The following ASTN2 variants were observed in gnomAD, a reference collection of about 807,000 sequenced individuals.
The protein encoded by ASTN2 is astrotactin-2.
ASTN2 carries 54 observed loss-of-function variants against 139.8 expected under a neutral mutation model. That is an observed-to-expected ratio of 0.39 (90% CI 0.31 to 0.48). The LOEUF (loss-of-function observed/expected upper bound fraction) is 0.48, where lower values mean the gene tolerates loss of function less well. Ranked by LOEUF, ASTN2 falls within the 20% of genes least tolerant of loss-of-function variation. The pLI, the probability that ASTN2 is intolerant of heterozygous loss-of-function variation, is 0.95. For missense variants in ASTN2, 1,565 were observed against 1,725.1 expected (o/e 0.91, Z 1.64); for synonymous variants, 756 against 719.5 (o/e 1.05, Z -0.81).
At chr9:116,689,998 T>C (rs1466455807) in intron 16 of ASTN2, among the ~76,000 whole-genome samples, 2 of 152,210 alleles carry the variant, frequency 1.3e-5, no homozygotes, top group Non-Finnish European at 2.9e-5. Flanking sequence ...GGCTCTATCA[T>C]TTCCAGGACT....
chr9:116,938,376 C>A (rs1835133148), intron 10 of ASTN2, among the ~76,000 whole-genome samples: 1 of 152,064 alleles, frequency 6.6e-6, no homozygotes. Context: ...ATGGTGGAGA[C>A]TTTTCCTTGT....
chr9:116,914,579 A>ATT (rs202193054), intron 10 of ASTN2, among the ~76,000 whole-genome samples: 12 of 140,304 alleles, frequency 8.6e-5, no homozygotes, highest in African/African-American at 3.3e-4. Flanking sequence ...TTATTTATAT[A>ATT]TATTTTTTTT....
chr9:116,898,887 G>A (rs942632290), intron 10 of ASTN2, among the ~76,000 whole-genome samples: 1 of 152,028 alleles, frequency 6.6e-6, no homozygotes, highest in Non-Finnish European at 1.5e-5. Context: ...GCCCTAGCTG[G>A]TCTCAAACTC....
chr9:116,924,977 G>A (rs915123528), intron 10 of ASTN2, among the ~76,000 whole-genome samples: 1 of 152,024 alleles, frequency 6.6e-6, no homozygotes, highest in African/African-American at 2.4e-5. Flanking sequence ...ACTAGTATAC[G>A]ACTTCCAAAC....
At position 116,740,670 on chromosome 9, in the gene ASTN2, G is replaced by A. The variant is rs560044454; in HGVS notation, c.2397-7147C>T. On this transcript the variant is annotated intron_variant, in intron 13 of 22. Transcript: ENST00000313400. ...TGGGACTACAGGCGCCCACCACCAC[G>A]CTCTGCTAATTTTTTAATTTTTTTT... is the stretch of plus-strand genomic sequence containing the variant. Among the ~76,000 whole-genome samples the A allele has an allele frequency of 4.0e-5, 6 of 151,720 alleles. No homozygotes were observed. In the East Asian group the frequency reaches 7.8e-4, roughly 20 times the overall value.
At chr9:117,340,359 A>G (rs1426674655) in intron 1 of ASTN2, among the ~76,000 whole-genome samples, 1 of 149,670 alleles carries the variant, frequency 6.7e-6, no homozygotes, top group African/African-American at 2.5e-5. Context: ...AAAAAAAAAA[A>G]AAGTGTCATG....
rs916802745 is a variant in ASTN2 at position 116,767,294 on chromosome 9, C to CT, written c.2397-33772dup. 6.4e-4 allele frequency among the ~76,000 whole-genome samples: 97 copies of CT among 152,138 alleles called. 3 individuals are homozygous for CT. Among genetic ancestry groups the CT allele is most frequent in the Admixed American group, 1.3e-4 (2 of 15,260 alleles). ...GTACCCTCCACACAGGCTCCAGCTGCTTTTTGCTGGCTCCCAGAGCTTATC... is the reference window on the plus strand; with the variant it reads ...GTACCCTCCACACAGGCTCCAGCTGCTTTTTTGCTGGCTCCCAGAGCTTATC... On this transcript the variant is annotated intron_variant, in intron 13 of 22. Coordinates refer to ENST00000313400, the MANE Select transcript of ASTN2 (RefSeq NM_001365068.1).
chr9:117,150,859 G>A (rs1830312545), intron 3 of ASTN2, among the ~76,000 whole-genome samples: 1 of 151,960 alleles, frequency 6.6e-6, no homozygotes, highest in Non-Finnish European at 1.5e-5. Context: ...ACCACGCCTG[G>A]ATAATTTTGT....
chr9:117,330,135 A>T (rs922801525), intron 1 of ASTN2, among the ~76,000 whole-genome samples: 1 of 152,252 alleles, frequency 6.6e-6, no homozygotes. Flanking sequence ...AGGGAAGCTG[A>T]TGGGGCTGGA....
chr9:116,502,137 C>T (rs1224023947), intron 19 of ASTN2, among the ~76,000 whole-genome samples: 1 of 138,524 alleles, frequency 7.2e-6, no homozygotes, highest in Non-Finnish European at 1.6e-5. Context: ...AGGTAGATTT[C>T]CAAATGTGTG....
intron 22 of ASTN2, among the ~76,000 whole-genome samples, chr9:116,435,598 A>T (rs1268337445): frequency 6.6e-6 from 1 of 152,112 alleles, no homozygotes; most frequent in Admixed American, 6.5e-5. Context: ...ATCTTACCCA[A>T]CTTCTCTCAT....
chr9:116,530,094 G>GACATATATATATATAT, intron 19 of ASTN2, among the ~76,000 whole-genome samples: 1 of 51,084 alleles, frequency 2.0e-5, no homozygotes, highest in South Asian at 1.2e-3. Flanking sequence ...GATAAAGTGT[G>GACATATATATATATAT]ATATATATAT....
chr9:117,200,969 T>C (rs1831692235), intron 3 of ASTN2, among the ~76,000 whole-genome samples: 1 of 150,118 alleles, frequency 6.7e-6, no homozygotes. Context: ...CTGATAGAAT[T>C]CAGCTATGAA....
intron 10 of ASTN2, among the ~76,000 whole-genome samples, chr9:116,964,399 G>A (rs1469522276): frequency 6.6e-6 from 1 of 152,158 alleles, no homozygotes; most frequent in East Asian, 1.9e-4. Context: ...GCTTATCTTG[G>A]TGATCACTGT....
intron 3 of ASTN2, among the ~76,000 whole-genome samples, chr9:117,166,508 G>T (rs987140856): frequency 1.3e-5 from 2 of 152,102 alleles, no homozygotes; most frequent in African/African-American, 4.8e-5. Flanking sequence ...GTCTATAACA[G>T]CCTCTTCATC....
chr9:116,544,020 C>T (rs903101348), intron 19 of ASTN2, among the ~76,000 whole-genome samples: 15 of 152,288 alleles, frequency 9.8e-5, no homozygotes, highest in Admixed American at 8.5e-4. Context: ...AGTTCTAACA[C>T]AGAGAACAGA....
chr9:117,314,067 G>A (rs1380838689), intron 1 of ASTN2, among the ~76,000 whole-genome samples: 1 of 152,138 alleles, frequency 6.6e-6, no homozygotes, highest in African/African-American at 2.4e-5. Context: ...CTAATGCACT[G>A]CTAGATGATT....
intron 5 of ASTN2, among the ~76,000 whole-genome samples, chr9:117,055,477 C>A (rs1185953216): frequency 1.3e-5 from 2 of 152,048 alleles, no homozygotes; most frequent in Admixed American, 1.3e-4. Context: ...TATATTTAGT[C>A]TCTATATTTA....
intron 1 of ASTN2, among the ~76,000 whole-genome samples, chr9:117,385,749 G>A (rs1830378831): frequency 6.6e-6 from 1 of 152,014 alleles, no homozygotes; most frequent in Non-Finnish European, 1.5e-5. Flanking sequence ...AAAGAAAGGA[G>A]CAAGAGAGAG....
Sources: gnomAD v4.1 joint callset for allele counts (sites outside exome capture counted in the v4.1 genomes callset) on GRCh38, gnomAD v4.1.1 for gene constraint, MANE v1.5 for transcripts, NCBI Gene and HGNC (gene_info 2026-07-23, HGNC 2026-07-21) for gene names.